The following HUNK variants were observed in gnomAD, a reference collection of about 807,000 sequenced individuals.
The protein encoded by HUNK is hormonally up-regulated neu tumor-associated kinase.
HUNK carries 21 observed loss-of-function variants against 61.0 expected under a neutral mutation model. That is an observed-to-expected ratio of 0.34 (90% CI 0.24 to 0.50). The LOEUF is 0.50. Among genes scored for constraint, HUNK ranks in the 20% least tolerant of loss-of-function variants. The pLI, the probability that HUNK is intolerant of heterozygous loss-of-function variation, is 0.98. For synonymous variants in HUNK, 371 were observed against 386.1 expected (o/e 0.96, Z 0.46); for missense variants, 772 against 945.7 (o/e 0.82, Z 2.41).
At chr21:31,989,111 C>T (rs190084450) in intron 8 of HUNK, among the ~76,000 whole-genome samples, 181 of 152,230 alleles carry the variant, frequency 1.2e-3, no homozygotes, top group Admixed American at 3.0e-3. Flanking sequence ...TGTGAGTCAC[C>T]ATGCCTGGCC....
At chr21:31,962,684 A>G (rs1420640082) in intron 5 of HUNK, among the ~76,000 whole-genome samples, 1 of 152,238 alleles carries the variant, frequency 6.6e-6, no homozygotes, top group Non-Finnish European at 1.5e-5. Context: ...TTGCATTTCT[A>G]TATCTGATTT....
intron 7 of HUNK, among the ~76,000 whole-genome samples, chr21:31,980,006 A>G (rs1297799812): frequency 1.3e-5 from 2 of 152,302 alleles, no homozygotes; most frequent in Admixed American, 6.5e-5. Flanking sequence ...GTCCAGACCA[A>G]TGTAATGAAG....
At chr21:31,943,748 T>G (rs2052784135) in intron 3 of HUNK, among the ~76,000 whole-genome samples, 1 of 151,036 alleles carries the variant, frequency 6.6e-6, no homozygotes, top group South Asian at 2.2e-4. Context: ...CTCTCTGCCC[T>G]CTTCTGAGAA....
At chr21:31,948,304 C>T (rs1340256266) in intron 4 of HUNK, among the ~76,000 whole-genome samples, 1 of 152,218 alleles carries the variant, frequency 6.6e-6, no homozygotes, top group African/African-American at 2.4e-5. Context: ...TGAACACAGC[C>T]TGCTCCTGCT....
At chr21:31,893,194 G>A (rs535010657) in intron 1 of HUNK, among the ~76,000 whole-genome samples, 2 of 152,044 alleles carry the variant, frequency 1.3e-5, no homozygotes, top group Middle Eastern at 3.4e-3. Flanking sequence ...AGCAACCCGA[G>A]CTACAGAAAA....
chr21:31,908,068 A>T (rs2052519499), intron 1 of HUNK, among the ~76,000 whole-genome samples: 1 of 152,206 alleles, frequency 6.6e-6, no homozygotes, highest in South Asian at 2.1e-4. Context: ...TTTTTAAATG[A>T]ACAAAAACTT....
Position 31,990,177 on chromosome 21 carries a change from G to T in HUNK, c.1305+1G>T. The T allele has an allele frequency of 6.2e-7, 1 of 1,613,376 alleles. No individual in the cohort carries two copies. On this transcript the variant is annotated splice_donor_variant, in intron 9 of 10. Transcript: ENST00000270112. LOFTEE classifies it high-confidence loss of function. ...AGATCTTGAATTCCATGCCGTGCAG[G>T]TAAGAACTTGGGGGATTATTATGTT...
intron 7 of HUNK, among the ~76,000 whole-genome samples, chr21:31,976,999 G>A (rs758071379): frequency 6.6e-6 from 1 of 151,950 alleles, no homozygotes; most frequent in African/African-American, 2.4e-5. Flanking sequence ...TTGAATTCCT[G>A]AGCTCAAGCA....
At chr21:31,930,537 CT>C (rs957841613) in intron 2 of HUNK, among the ~76,000 whole-genome samples, 8 of 152,374 alleles carry the variant, frequency 5.3e-5, no homozygotes, top group Non-Finnish European at 8.8e-5. Flanking sequence ...GCTTGGCCCC[CT>C]GGCCATAGAC....
intron 10 of HUNK, among the ~76,000 whole-genome samples, 180 bp from the exon 11 acceptor site, chr21:31,998,346 G>T (rs1262816878): frequency 1.3e-5 from 2 of 152,212 alleles, no homozygotes; most frequent in Non-Finnish European, 2.9e-5. Context: ...CCCGACCTCT[G>T]TGGGGAGAGT....
intron 5 of HUNK, among the ~76,000 whole-genome samples, chr21:31,961,509 C>A (rs1349774407): frequency 6.6e-6 from 1 of 152,172 alleles, no homozygotes; most frequent in Non-Finnish European, 1.5e-5. Flanking sequence ...ATTTTGCATT[C>A]CCACTAGCAA....
chr21:31,894,115 C>T (rs2052409643), intron 1 of HUNK, among the ~76,000 whole-genome samples: 1 of 152,132 alleles, frequency 6.6e-6, no homozygotes, highest in Non-Finnish European at 1.5e-5. Flanking sequence ...CTTCCTGTTG[C>T]CTGTGGGACA....
At chr21:31,984,281 A>G (rs190580459) in intron 8 of HUNK, among the ~76,000 whole-genome samples, 11 of 152,352 alleles carry the variant, frequency 7.2e-5, no homozygotes, top group Admixed American at 1.3e-4. Context: ...GGTAATAAAT[A>G]TGCTGATCAC....
intron 10 of HUNK, among the ~76,000 whole-genome samples, chr21:31,997,394 C>T (rs920683757): frequency 2.6e-5 from 4 of 152,166 alleles, no homozygotes; most frequent in South Asian, 2.1e-4. Flanking sequence ...TCAAAAGTCA[C>T]GAGGGAGCCT....
chr21:31,960,381 G>GT (rs34439358), intron 5 of HUNK, among the ~76,000 whole-genome samples: 65,648 of 147,198 alleles, frequency 0.45, 14,132 homozygotes, highest in East Asian at 0.51. Context: ...GAGTAAAAAG[G>GT]TTTTTTTTTT....
At chr21:31,946,278 C>A in intron 4 of HUNK, 107 bp downstream of exon 4, 1 of 1,092,572 alleles carries the variant, frequency 9.2e-7, no homozygotes, top group Non-Finnish European at 1.3e-6. Context: ...GTGACAGGCC[C>A]AGGAGTATGT....
intron 6 of HUNK, among the ~76,000 whole-genome samples, chr21:31,973,107 C>G (rs2053023125): frequency 6.6e-6 from 1 of 151,908 alleles, no homozygotes; most frequent in Admixed American, 6.6e-5. Context: ...GCCTTCTGCT[C>G]CGATTGCCCT....
intron 7 of HUNK, among the ~76,000 whole-genome samples, chr21:31,975,843 G>A (rs2053044929): frequency 6.6e-6 from 1 of 152,240 alleles, no homozygotes; most frequent in African/African-American, 2.4e-5. Flanking sequence ...GGACAAGGTA[G>A]TCAGTGTGTG....
intron 1 of HUNK, among the ~76,000 whole-genome samples, chr21:31,903,716 A>G: frequency 6.6e-6 from 1 of 152,246 alleles, no homozygotes; most frequent in East Asian, 1.9e-4. Flanking sequence ...CGGAAACAAA[A>G]GTAAAACCCC....
Sources: allele counts gnomAD v4.1 joint callset (sites outside exome capture counted in the v4.1 genomes callset), GRCh38; gene constraint gnomAD v4.1.1; transcripts MANE v1.5; gene names NCBI Gene and HGNC (gene_info 2026-07-23, HGNC 2026-07-21).